The following ATP6V1C2 variants were observed in gnomAD, a reference collection of about 807,000 sequenced individuals.
The protein encoded by ATP6V1C2 is ATPase H+ transporting V1 subunit C2, also known as V-type proton ATPase subunit C 2.
ATP6V1C2 carries 45 observed loss-of-function variants against 56.8 expected under a neutral mutation model. That is an observed-to-expected ratio of 0.79 (90% CI 0.62 to 1.02). ATP6V1C2 has a LOEUF of 1.02. Ranked by LOEUF, ATP6V1C2 falls within the 50% of genes least tolerant of loss-of-function variation. ATP6V1C2 has a pLI of 0.00. For synonymous variants in ATP6V1C2, 220 were observed against 201.3 expected (o/e 1.09, Z -0.79); for missense variants, 463 against 519.7 (o/e 0.89, Z 1.06).
intron 3 of ATP6V1C2, among the ~76,000 whole-genome samples, chr2:10,738,514 G>T (rs1317397857): frequency 6.6e-6 from 1 of 152,114 alleles, no homozygotes; most frequent in African/African-American, 2.4e-5. Context: ...TTCCATCTTG[G>T]ACCCTGCCCC....
chr2:10,770,108 T>TG (rs2148493888), intron 6 of ATP6V1C2: 1 of 151,890 alleles, frequency 6.6e-6, no homozygotes, highest in African/African-American at 2.4e-5. Flanking sequence ...AAACCATAGA[T>TG]GGTTTTTAGG....
chr2:10,726,387 T>C (rs1572495624), intron 2 of ATP6V1C2, 115 bp from the exon 3 acceptor site: 1 of 831,266 alleles, frequency 1.2e-6, no homozygotes, highest in African/African-American at 1.7e-5. Context: ...ACTTTGGCCA[T>C]TGACCAAGGG....
chr2:10,776,217 AG>A (rs57497261), intron 10 of ATP6V1C2, among the ~76,000 whole-genome samples: 40,361 of 151,922 alleles, frequency 0.27, 6,043 homozygotes, highest in Middle Eastern at 0.4. Context: ...AAGTTTATAT[AG>A]GGGGTTTTTC....
Position 10,774,991 on chromosome 2 carries a change from G to T in ATP6V1C2, c.745G>T (p.Glu249Ter). Residue 249 changes from glutamate (E) to a stop codon, truncating the protein, a stop_gained, in exon 10 of 14, where the codon GAA becomes TAA. Coordinates refer to ENST00000272238, the MANE Select transcript of ATP6V1C2 (RefSeq NM_001039362.2). LOFTEE classifies it high-confidence loss of function. ...GCTTGTTTTAAGGTTCACTGTTCGTGAATTTTACTATGATGAGAAGGAAAT... is the reference window on the plus strand; with the variant it reads ...GCTTGTTTTAAGGTTCACTGTTCGTTAATTTTACTATGATGAGAAGGAAAT... Reference protein sequence around the residue: ...KAKENKFTVREFYYDEKEIER... With the variant: ...KAKENKFTVR The T allele has an allele frequency of 1.2e-6, 2 of 1,614,174 alleles. No individual in the cohort carries two copies. Among genetic ancestry groups the T allele is most frequent in the African/African-American group, 1.3e-5 (1 of 75,066 alleles).
intron 6 of ATP6V1C2, among the ~76,000 whole-genome samples, chr2:10,769,660 C>A (rs190254993): frequency 8.6e-4 from 130 of 151,926 alleles, no homozygotes; most frequent in African/African-American, 2.8e-3. Context: ...GCTGAGATCG[C>A]CACTGCACTC....
At chr2:10,725,798 G>A (rs972510104) in intron 2 of ATP6V1C2, among the ~76,000 whole-genome samples, 2 of 151,486 alleles carry the variant, frequency 1.3e-5, no homozygotes, top group Non-Finnish European at 2.9e-5. Context: ...AAGACGGTGG[G>A]GCCGGGTGCA....
intron 6 of ATP6V1C2, among the ~76,000 whole-genome samples, chr2:10,771,520 T>C (rs1480859804): frequency 6.6e-6 from 1 of 152,106 alleles, no homozygotes; most frequent in Non-Finnish European, 1.5e-5. Flanking sequence ...CAGCCGGAGC[T>C]GGCACCAGGG....
At chr2:10,766,264 C>T (rs1049934474) in intron 5 of ATP6V1C2, among the ~76,000 whole-genome samples, 2 of 152,164 alleles carry the variant, frequency 1.3e-5, no homozygotes, top group Admixed American at 6.5e-5. Flanking sequence ...CTTCCTACAC[C>T]GGCAACACAG....
At chr2:10,783,079 G>A (rs1041339564) in intron 13 of ATP6V1C2, 95 bp from the exon 14 acceptor site, 12 of 886,206 alleles carry the variant, frequency 1.4e-5, no homozygotes, top group East Asian at 7.4e-5. Flanking sequence ...AGAGCAGAAC[G>A]TACGCTCAGT....
At chr2:10,726,680 C>A in intron 3 of ATP6V1C2, 111 bp downstream of exon 3, 1 of 1,017,276 alleles carries the variant, frequency 9.8e-7, no homozygotes, top group East Asian at 2.5e-5. Context: ...AGACCTGGTT[C>A]CAAAAGTGAG....
intron 10 of ATP6V1C2, among the ~76,000 whole-genome samples, chr2:10,775,556 C>T (rs1359277077): frequency 6.6e-6 from 1 of 152,220 alleles, no homozygotes; most frequent in African/African-American, 2.4e-5. Flanking sequence ...CTGTATTTAC[C>T]TCCCGTGTCC....
Position 10,751,691 on chromosome 2 carries a change from T to A in ATP6V1C2, c.198-2290T>A, listed in dbSNP as rs528773036. ...ACTTCTCTGGGCCTCAGTTTCTCCATCTGTAAAATGAGATGATACCCAACT... is the reference window on the plus strand; with the variant it reads ...ACTTCTCTGGGCCTCAGTTTCTCCAACTGTAAAATGAGATGATACCCAACT... On this transcript the variant is annotated intron_variant, in intron 3 of 13. Coordinates refer to ENST00000272238, the MANE Select transcript of ATP6V1C2 (RefSeq NM_001039362.2). Among the ~76,000 whole-genome samples, 6 of 152,274 alleles carry A rather than the reference T, an allele frequency of 3.9e-5. No homozygotes were observed. The East Asian group carries it at 1.2e-3, about 29-fold the overall frequency.
chr2:10,726,565 G>A lies in ATP6V1C2; in HGVS notation c.193G>A (p.Glu65Lys). Residue 65 changes from glutamate (E) to lysine (K), a missense_variant, in exon 3 of 14, where the codon GAA becomes AAA. By Grantham distance (56) the Glu-to-Lys change is moderately conservative. Transcript: ENST00000272238. ...GTTGGGGAAACTCGACACCTTTGCT[G>A]AAAGGTAAAATATTCCTTATTTACT... ...DELGKLDTFAESLIRRMAQSV... is the reference protein window; with the variant it reads ...DELGKLDTFAKSLIRRMAQSV... 1.2e-6 allele frequency: 2 copies of A among 1,611,826 alleles called. No individual in the cohort carries two copies. The highest frequency in any genetic ancestry group is 1.7e-6 in the Non-Finnish European group (2 of 1,177,888).
chr2:10,734,402 T>C (rs1011334618), intron 3 of ATP6V1C2, among the ~76,000 whole-genome samples: 1 of 152,206 alleles, frequency 6.6e-6, no homozygotes, highest in Non-Finnish European at 1.5e-5. Context: ...TGACGTCTTC[T>C]TGTGGGATTA....
chr2:10,743,994 A>AT (rs1662714816), intron 3 of ATP6V1C2, among the ~76,000 whole-genome samples: 1 of 36,494 alleles, frequency 2.7e-5, no homozygotes, highest in African/African-American at 4.8e-5. Context: ...AAAAAAAAAA[A>AT]AAATAATAAT....
intron 3 of ATP6V1C2, among the ~76,000 whole-genome samples, chr2:10,732,156 A>G (rs1213756373): frequency 6.6e-6 from 1 of 151,882 alleles, no homozygotes. Context: ...TATTGTTTCC[A>G]TTTTAGTTTC....
chr2:10,750,362 C>G (rs1174194416), intron 3 of ATP6V1C2, among the ~76,000 whole-genome samples: 1 of 151,884 alleles, frequency 6.6e-6, no homozygotes, highest in African/African-American at 2.4e-5. Context: ...ACCAAAAATA[C>G]AAAAATTAGC....
intron 12 of ATP6V1C2, among the ~76,000 whole-genome samples, chr2:10,779,770 TA>T: frequency 6.6e-6 from 1 of 151,602 alleles, no homozygotes; most frequent in Non-Finnish European, 1.5e-5. Flanking sequence ...CCTGTAATTT[TA>T]ATTTTAACAC....
intron 11 of ATP6V1C2, 73 bp from the exon 12 acceptor site, chr2:10,778,499 A>AC: frequency 6.9e-7 from 1 of 1,452,112 alleles, no homozygotes; most frequent in Non-Finnish European, 9.6e-7. Flanking sequence ...CTCTGTCAAA[A>AC]CCCAAGTCCT....
Sources: gnomAD v4.1 joint callset for allele counts (sites outside exome capture counted in the v4.1 genomes callset) on GRCh38, gnomAD v4.1.1 for gene constraint, MANE v1.5 for transcripts, NCBI Gene and HGNC (gene_info 2026-07-23, HGNC 2026-07-21) for gene names.